Variants in SOX5 observed in about 807,000 individuals in gnomAD.
SOX5 encodes transcription factor SOX-5.
In SOX5, 9 loss-of-function variants were observed where a neutral mutation model predicts 92.0. That is an observed-to-expected ratio of 0.10 (90% confidence interval 0.06 to 0.17). The LOEUF (loss-of-function observed/expected upper bound fraction) is 0.17. Ranked by LOEUF, SOX5 falls within the 10% of genes least tolerant of loss-of-function variation. The probability of loss-of-function intolerance (pLI) is 1.00; values close to 1 mark genes in which losing one functional copy is unlikely to be tolerated. For missense variants in SOX5, 642 were observed against 944.5 expected (o/e 0.68, Z 4.20); for synonymous variants, 344 against 336.3 (o/e 1.02, Z -0.25).
At chr12:23,875,009 A>G (rs1299882357) in intron 2 of SOX5, among the ~76,000 whole-genome samples, 1 of 152,152 alleles carries the variant, frequency 6.6e-6, no homozygotes, top group Non-Finnish European at 1.5e-5. Context: ...GGAATTTAAG[A>G]ATAGGTCTTC....
intron 4 of SOX5, among the ~76,000 whole-genome samples, chr12:24,011,046 G>A (rs1355059001): frequency 6.6e-6 from 1 of 151,910 alleles, no homozygotes; most frequent in Non-Finnish European, 1.5e-5. Flanking sequence ...CACTATTTTT[G>A]TTTTAAGAAG....
intron 11 of SOX5, among the ~76,000 whole-genome samples, chr12:23,562,130 G>A (rs1170493174): frequency 6.6e-6 from 1 of 152,066 alleles, no homozygotes; most frequent in Non-Finnish European, 1.5e-5. Context: ...CTATAAAAAT[G>A]TGCCCTTCTC....
At chr12:23,792,641 A>C (rs1402425499) in intron 3 of SOX5, among the ~76,000 whole-genome samples, 1 of 115,128 alleles carries the variant, frequency 8.7e-6, no homozygotes, top group Non-Finnish European at 2.2e-5. Flanking sequence ...AAAAAAAAAA[A>C]AAAAAAAAAA....
At chr12:24,389,953 T>C (rs1825719840) in intron 1 of SOX5, among the ~76,000 whole-genome samples, 1 of 152,182 alleles carries the variant, frequency 6.6e-6, no homozygotes, top group Admixed American at 6.5e-5. Context: ...TCTTGGTTCT[T>C]AAGCCCTGTC....
In SOX5 at chr12:23,570,930, AATATATATATATATATATATATAT is replaced by A. The variant is rs1164831816; in HGVS notation, c.1342+4707_1342+4730del. Among the ~76,000 whole-genome samples the A allele has an allele frequency of 2.1e-3, 41 of 19,938 alleles. 4 individuals are homozygous for A. The highest frequency in any genetic ancestry group is 0.01 in the East Asian group (6 of 600). The allele number at this position is 19,938 out of a possible 152,430, so 13.1% of individuals were successfully genotyped here. The stretch of plus-strand genomic sequence containing the variant: ...CAACTCAAAAAAAAAAAAAAAAAAA[AATATATATATATATATATATATAT>A]ATATATATATATATATATATATATA... On this transcript the variant is annotated intron_variant, in intron 10 of 14. Transcript: ENST00000451604.
chr12:23,925,441 A>C (rs567299375), intron 1 of SOX5, among the ~76,000 whole-genome samples: 1 of 152,182 alleles, frequency 6.6e-6, no homozygotes, highest in East Asian at 1.9e-4. Context: ...CAACAAGAAA[A>C]ACTTCACAGG....
chr12:23,739,322 T>C (rs979213739), intron 5 of SOX5, among the ~76,000 whole-genome samples: 2 of 152,322 alleles, frequency 1.3e-5, no homozygotes, highest in South Asian at 4.1e-4. Flanking sequence ...TTTTAACTAA[T>C]AGTTCATAGG....
intron 3 of SOX5, among the ~76,000 whole-genome samples, chr12:23,761,110 G>T (rs1358847042): frequency 6.6e-6 from 1 of 152,044 alleles, no homozygotes. Context: ...GAGGTAACTA[G>T]ATTTCAAAAT....
At chr12:23,726,149 G>T (rs951714746) in intron 6 of SOX5, among the ~76,000 whole-genome samples, 4 of 28,830 alleles carry the variant, frequency 1.4e-4, no homozygotes, top group African/African-American at 3.0e-4. Flanking sequence ...GAGAGAGAGA[G>T]AGAGAGAGAG....
chr12:24,291,035 C>A (rs917285195), intron 2 of SOX5, among the ~76,000 whole-genome samples: 1 of 152,092 alleles, frequency 6.6e-6, no homozygotes, highest in African/African-American at 2.4e-5. Context: ...TTATTCCTCC[C>A]TTCGTATTAG....
chr12:23,849,060 G>A (rs1287903742), intron 2 of SOX5, among the ~76,000 whole-genome samples: 1 of 152,022 alleles, frequency 6.6e-6, no homozygotes, highest in African/African-American at 2.4e-5. Flanking sequence ...TGAACACGTC[G>A]AAAGAAATAT....
chr12:24,068,800 A>G (rs1941316133), intron 4 of SOX5, among the ~76,000 whole-genome samples: 1 of 145,612 alleles, frequency 6.9e-6, no homozygotes, highest in African/African-American at 2.5e-5. Context: ...AGGTATTACT[A>G]TCACCACTAT....
At chr12:23,887,966 G>A (rs1365335925) in intron 2 of SOX5, among the ~76,000 whole-genome samples, 1 of 139,156 alleles carries the variant, frequency 7.2e-6, no homozygotes, top group South Asian at 2.3e-4. Context: ...ATATCTAGAT[G>A]TCAAGTAGTT....
At position 24,512,781 on chromosome 12, in the gene SOX5, C is replaced by A. The variant is rs143334136; in HGVS notation, c.-251+49548G>T. Among the ~76,000 whole-genome samples the A allele has an allele frequency of 1.2e-3, 187 of 152,280 alleles. 1 individual carries two copies. The highest frequency in any genetic ancestry group is 4.4e-3 in the African/African-American group (182 of 41,562). ...CAGGTTTCTTCCAAATCCAAGAGTG[C>A]AGAATACAGGGTTATCTCTAAAGTC... On this transcript the variant is annotated intron_variant, in intron 1 of 4. Transcript: ENST00000446891.
intron 1 of SOX5, among the ~76,000 whole-genome samples, chr12:23,933,402 G>A (rs946821057): frequency 6.6e-6 from 1 of 151,536 alleles, no homozygotes; most frequent in Non-Finnish European, 1.5e-5. Flanking sequence ...AGATAAGCGG[G>A]ACCTACTGAT....
At chr12:24,536,092 T>C (rs1292254991) in intron 1 of SOX5, among the ~76,000 whole-genome samples, 2 of 152,228 alleles carry the variant, frequency 1.3e-5, no homozygotes, top group Non-Finnish European at 2.9e-5. Context: ...TATAGGTTAC[T>C]GTTAACCCTT....
At chr12:23,825,481 G>C (rs1199528418) in intron 3 of SOX5, among the ~76,000 whole-genome samples, 1 of 152,206 alleles carries the variant, frequency 6.6e-6, no homozygotes, top group East Asian at 1.9e-4. Context: ...TTCTGCGTTG[G>C]TCTGGATGGG....
At chr12:23,740,736 G>T in intron 5 of SOX5, 131 bp downstream of exon 5, 1 of 779,152 alleles carries the variant, frequency 1.3e-6, no homozygotes, top group Non-Finnish European at 1.9e-6. Flanking sequence ...TGCTTTTTTG[G>T]CCTTTGAATT....
In SOX5 at chr12:23,773,429, T is replaced by C. The variant is rs763075125; in HGVS notation, c.482-17705A>G. On this transcript the variant is annotated intron_variant, in intron 3 of 14. Coordinates refer to ENST00000451604, the MANE Select transcript of SOX5 (RefSeq NM_006940.6). ...CTCTGTCACCCAGGCTGGAGTGCAG[T>C]GGCACAATCTCGGCTCGCTGCAACT... 5.3e-4 allele frequency among the ~76,000 whole-genome samples: 81 copies of C among 152,292 alleles called. 1 individual carries two copies. The highest frequency in any genetic ancestry group is 3.4e-3 in the Middle Eastern group (1 of 294).
Sources: allele counts gnomAD v4.1 joint callset (sites outside exome capture counted in the v4.1 genomes callset), GRCh38; gene constraint gnomAD v4.1.1; transcripts MANE v1.5; gene names NCBI Gene and HGNC (gene_info 2026-07-23, HGNC 2026-07-21).